GSDMC: variants seen among roughly 807,000 people sequenced by gnomAD.
The protein encoded by GSDMC is gasdermin C.
In GSDMC, 59 loss-of-function variants were observed where a neutral mutation model predicts 58.0. That is an observed-to-expected ratio of 1.02 (90% CI 0.82 to 1.26). The LOEUF (loss-of-function observed/expected upper bound fraction) is 1.26. GSDMC is among the 50% of genes most tolerant of loss of function. The pLI, the probability that GSDMC is intolerant of heterozygous loss-of-function variation, is 0.00. For synonymous variants in GSDMC, 241 were observed against 220.2 expected (o/e 1.09, Z -0.83); for missense variants, 659 against 598.5 (o/e 1.10, Z -1.06).
the GSDMC span, among the ~76,000 whole-genome samples, chr8:129,728,412 T>A: frequency 6.6e-6 from 1 of 152,150 alleles, no homozygotes; most frequent in East Asian, 1.9e-4. Flanking sequence ...TGTCCCCGCA[T>A]CACCATACAG....
At chr8:129,753,407 C>A (rs1242876656) in intron 6 of GSDMC, among the ~76,000 whole-genome samples, 1 of 152,282 alleles carries the variant, frequency 6.6e-6, no homozygotes. Context: ...GAAAAGGGAA[C>A]CTACTGCCTT....
the GSDMC span, among the ~76,000 whole-genome samples, chr8:129,717,560 G>A: frequency 5.3e-5 from 8 of 152,024 alleles, no homozygotes; most frequent in African/African-American, 1.9e-4. Flanking sequence ...GCTCATGATA[G>A]GAAGAATTAA....
At chr8:129,778,841 C>A (rs111317336) in intron 1 of GSDMC, among the ~76,000 whole-genome samples, 14,589 of 149,156 alleles carry the variant, frequency 0.098, 2,425 homozygotes, top group African/African-American at 0.34. Context: ...ATGTGGCCAA[C>A]AATCGTATAA....
intron 1 of GSDMC, among the ~76,000 whole-genome samples, chr8:129,784,566 A>G (rs754430643): frequency 6.6e-6 from 1 of 152,200 alleles, no homozygotes; most frequent in Non-Finnish European, 1.5e-5. Flanking sequence ...CCCTGTTAAA[A>G]TGGCTTATAT....
chr8:129,746,137 G>C (rs939952413), downstream of GSDMC, among the ~76,000 whole-genome samples: 9 of 152,140 alleles, frequency 5.9e-5, no homozygotes, highest in Admixed American at 1.3e-4. Context: ...GAAAAGAAGA[G>C]AGTGGAGGAA....
At chr8:129,731,427 G>A in the GSDMC span, among the ~76,000 whole-genome samples, 1 of 152,302 alleles carries the variant, frequency 6.6e-6, no homozygotes, top group Non-Finnish European at 1.5e-5. Flanking sequence ...AGCAAAACTT[G>A]GACAGGAACT....
the GSDMC span, among the ~76,000 whole-genome samples, chr8:129,742,542 T>G: frequency 3.2e-3 from 493 of 152,230 alleles, 3 homozygotes; most frequent in African/African-American, 0.011. Flanking sequence ...GTACAACTCT[T>G]TCTTCTCTGT....
At chr8:129,755,246 G>A (rs1286024277) in intron 6 of GSDMC, among the ~76,000 whole-genome samples, 1 of 152,094 alleles carries the variant, frequency 6.6e-6, no homozygotes, top group Non-Finnish European at 1.5e-5. Context: ...GCATACAATG[G>A]AGTTGCAATA....
At chr8:129,735,904 G>A in the GSDMC span, among the ~76,000 whole-genome samples, 36 of 152,162 alleles carry the variant, frequency 2.4e-4, 1 homozygote, top group Middle Eastern at 3.4e-3. Context: ...CTGATAGACC[G>A]CTAGCAAGAC....
chr8:129,752,222 T>G (rs765798312), intron 7 of GSDMC, 75 bp from the exon 8 acceptor site: 133 of 1,170,676 alleles, frequency 1.1e-4, no homozygotes, highest in Non-Finnish European at 1.6e-4. Flanking sequence ...CTTCTTTCCC[T>G]CTTGGTCTCA....
chr8:129,785,632 A>G (rs142004328), intron 1 of GSDMC, among the ~76,000 whole-genome samples: 1 of 152,274 alleles, frequency 6.6e-6, no homozygotes, highest in Non-Finnish European at 1.5e-5. Context: ...AACTACATGG[A>G]ATTCAGTTTT....
intron 12 of GSDMC, 131 bp from the exon 13 acceptor site, chr8:129,749,656 A>G: frequency 1.4e-6 from 1 of 715,236 alleles, no homozygotes. Flanking sequence ...CTTGAAGGTC[A>G]AGCTCCCTGC....
chr8:129,736,168 A>T, the GSDMC span, among the ~76,000 whole-genome samples: 2 of 152,322 alleles, frequency 1.3e-5, no homozygotes, highest in Middle Eastern at 3.4e-3. Flanking sequence ...ACCAACCAAA[A>T]AAAGTCCAGG....
At chr8:129,723,756 T>G in the GSDMC span, among the ~76,000 whole-genome samples, 1 of 152,306 alleles carries the variant, frequency 6.6e-6, no homozygotes, top group Admixed American at 6.5e-5. Flanking sequence ...CACTGTTTAT[T>G]TGCAAGTGAT....
At chr8:129,766,845 C>T (rs986659970) in intron 3 of GSDMC, among the ~76,000 whole-genome samples, 19 of 152,092 alleles carry the variant, frequency 1.2e-4, no homozygotes, top group Non-Finnish European at 1.5e-4. Flanking sequence ...TTCCAAAGCG[C>T]ATCCTAGGAG....
At chr8:129,727,497 A>G in the GSDMC span, among the ~76,000 whole-genome samples, 1 of 152,182 alleles carries the variant, frequency 6.6e-6, no homozygotes, top group African/African-American at 2.4e-5. Context: ...TCCCTCTGTA[A>G]GTCACATTTC....
At position 129,748,487 on chromosome 8, in the gene GSDMC, C is replaced by T. The variant is rs755594549; in HGVS notation, c.*14G>A. 131 of 1,590,604 alleles carry T rather than the reference C, an allele frequency of 8.2e-5. No homozygotes were observed. The highest frequency in any genetic ancestry group is 1.7e-4 in the Middle Eastern group (1 of 5,914). On this transcript the variant is annotated 3_prime_UTR_variant, in exon 14 of 14. Transcript: ENST00000276708. The stretch of plus-strand genomic sequence containing the variant: ...GGGCCAGCATCTCTGGACTGACTGC[C>T]CATCAGGGAGGGCTTAGGCCTCAGC...
the GSDMC span, chr8:129,729,938 G>A: frequency 1.3e-6 from 2 of 1,494,528 alleles, no homozygotes; most frequent in Non-Finnish European, 1.9e-6. Context: ...TCAACACTAA[G>A]CGAGCCAGTG....
In GSDMC at chr8:129,749,598, G is replaced by A. The variant is rs770668597; in HGVS notation, c.1214-73C>T. The A allele has an allele frequency of 3.5e-5, 38 of 1,071,460 alleles. 1 individual carries two copies. Among genetic ancestry groups the A allele is most frequent in the Middle Eastern group, 2.1e-4 (1 of 4,768 alleles). 66.4% of individuals were successfully genotyped at this position (1,071,460 alleles called of 1,614,324 possible). On this transcript the variant is annotated intron_variant, in intron 12 of 13. Transcript: ENST00000276708. ...TTTTTCCTCCCACCATAAAGCAGGA[G>A]ACCCCCTGAGAGAATAACTCCAAGG...
Sources: allele counts gnomAD v4.1 joint callset (sites outside exome capture counted in the v4.1 genomes callset), GRCh38; gene constraint gnomAD v4.1.1; transcripts MANE v1.5; gene names NCBI Gene and HGNC (gene_info 2026-07-23, HGNC 2026-07-21).